The following AGBL1 variants were observed in gnomAD, a reference collection of about 807,000 sequenced individuals.
AGBL1 encodes AGBL carboxypeptidase 1, also known as cytosolic carboxypeptidase 4.
AGBL1 carries 130 observed loss-of-function variants against 118.9 expected under a neutral mutation model. The observed-to-expected ratio is 1.09, with a 90% CI of 0.95 to 1.26. AGBL1 has a LOEUF of 1.26. AGBL1 is among the 50% of genes most tolerant of loss of function. AGBL1 has a pLI of 0.00. For missense variants in AGBL1, 1,584 were observed against 1,298.1 expected (o/e 1.22, Z -3.38); for synonymous variants, 555 against 478.9 (o/e 1.16, Z -2.08).
At chr15:86,962,081 T>C (rs2080998344) in intron 23 of AGBL1, among the ~76,000 whole-genome samples, 2 of 152,166 alleles carry the variant, frequency 1.3e-5, no homozygotes, top group Non-Finnish European at 1.5e-5. Flanking sequence ...TATTTTCTAT[T>C]ACAAATTGCA....
intron 18 of AGBL1, among the ~76,000 whole-genome samples, chr15:86,505,432 G>A (rs1324383639): frequency 6.6e-6 from 1 of 151,778 alleles, no homozygotes; most frequent in African/African-American, 2.4e-5. Context: ...TGGTGTCCCA[G>A]TGGTGTCTGA....
At chr15:86,643,704 T>C (rs887364935) in intron 21 of AGBL1, among the ~76,000 whole-genome samples, 6 of 152,196 alleles carry the variant, frequency 3.9e-5, no homozygotes, top group South Asian at 4.1e-4. Flanking sequence ...CATTTTATTA[T>C]TTTCTCCTTT....
chr15:86,477,698 C>T (rs917916073), intron 18 of AGBL1, among the ~76,000 whole-genome samples: 25 of 152,032 alleles, frequency 1.6e-4, no homozygotes, highest in African/African-American at 2.4e-4. Flanking sequence ...TTCCAATTAA[C>T]AGAAAAAGAG....
In AGBL1 at chr15:86,258,906, C is replaced by T. The variant is rs1231308213; in HGVS notation, c.969+875C>T. ...ATTTTTAGTAGAAACAGGATTTCAC[C>T]GTATTGGCCAGGCTGGTCTCGAACT... On this transcript the variant is annotated intron_variant, in intron 9 of 22. Coordinates refer to ENST00000614907, the MANE Select transcript of AGBL1 (RefSeq NM_001386094.1). Among the ~76,000 whole-genome samples the T allele has an allele frequency of 2.0e-5, 3 of 152,236 alleles. No homozygotes were observed. The East Asian group carries it at 5.8e-4, about 29-fold the overall frequency.
At chr15:86,123,914 AC>A (rs1898245078) in intron 1 of AGBL1, among the ~76,000 whole-genome samples, 1 of 152,176 alleles carries the variant, frequency 6.6e-6, no homozygotes, top group Non-Finnish European at 1.5e-5. Flanking sequence ...ACCGCCACAG[AC>A]CAGAGGAGAC....
intron 22 of AGBL1, among the ~76,000 whole-genome samples, chr15:86,885,849 C>T (rs767557676): frequency 4.5e-4 from 69 of 152,072 alleles, no homozygotes; most frequent in Non-Finnish European, 1.6e-4. Flanking sequence ...ACTTCGAATC[C>T]CTGGGTGTTT....
At chr15:86,664,279 G>C (rs1029037899) in intron 21 of AGBL1, among the ~76,000 whole-genome samples, 1 of 152,174 alleles carries the variant, frequency 6.6e-6, no homozygotes, top group Non-Finnish European at 1.5e-5. Context: ...AAGCATTAGA[G>C]TCCATTTGTT....
intron 17 of AGBL1, among the ~76,000 whole-genome samples, chr15:86,337,868 C>T (rs767466908): frequency 2.0e-5 from 3 of 151,796 alleles, no homozygotes; most frequent in Non-Finnish European, 4.4e-5. Flanking sequence ...TTAAAACAAA[C>T]AAAAAATGCA....
chr15:86,803,931 A>G (rs993194002), intron 22 of AGBL1, among the ~76,000 whole-genome samples: 3 of 152,154 alleles, frequency 2.0e-5, no homozygotes, highest in Admixed American at 2.0e-4. Context: ...TACTTGGCTC[A>G]TTGTATCAGT....
chr15:86,984,238 G>A (rs2081258033), intron 23 of AGBL1, among the ~76,000 whole-genome samples: 1 of 152,216 alleles, frequency 6.6e-6, no homozygotes, highest in East Asian at 1.9e-4. Flanking sequence ...GACATTTCTT[G>A]AGGACTAATG....
chr15:86,548,366 C>T (rs991183046), intron 20 of AGBL1, among the ~76,000 whole-genome samples: 11 of 152,156 alleles, frequency 7.2e-5, no homozygotes, highest in Non-Finnish European at 1.6e-4. Context: ...TATTAATCAA[C>T]TTTAATGGTA....
At chr15:86,743,480 C>T (rs973858981) in intron 22 of AGBL1, among the ~76,000 whole-genome samples, 1 of 152,226 alleles carries the variant, frequency 6.6e-6, no homozygotes, top group East Asian at 1.9e-4. Flanking sequence ...GGCAAGAGAG[C>T]GTCCCCTGGT....
At chr15:86,332,299 A>G (rs1186098229) in intron 17 of AGBL1, among the ~76,000 whole-genome samples, 1 of 152,210 alleles carries the variant, frequency 6.6e-6, no homozygotes, top group Non-Finnish European at 1.5e-5. Context: ...ACACAATAAT[A>G]GTGAGGGAAC....
At chr15:86,763,200 G>A (rs1045311534) in intron 22 of AGBL1, among the ~76,000 whole-genome samples, 1 of 152,004 alleles carries the variant, frequency 6.6e-6, no homozygotes, top group East Asian at 1.9e-4. Flanking sequence ...CTATAGATAT[G>A]TATTGACTGT....
chr15:86,259,782 AC>A lies in AGBL1; in HGVS notation c.969+1752del, dbSNP rs529227978. 3.0e-3 allele frequency among the ~76,000 whole-genome samples: 456 copies of A among 152,316 alleles called. 6 individuals carry two copies. Among genetic ancestry groups the A allele is most frequent in the African/African-American group, 0.01 (426 of 41,560 alleles). On this transcript the variant is annotated intron_variant, in intron 9 of 22. Coordinates refer to ENST00000614907, the MANE Select transcript of AGBL1 (RefSeq NM_001386094.1). ...GCTGCTGCAGTCATTCATCAATGCC[AC>A]TTTCCCCTCCCCTCTTGCTTGCTCT... is the stretch of plus-strand genomic sequence containing the variant.
intron 22 of AGBL1, among the ~76,000 whole-genome samples, chr15:86,736,322 G>T (rs891932064): frequency 3.3e-5 from 5 of 152,120 alleles, no homozygotes; most frequent in Non-Finnish European, 7.4e-5. Flanking sequence ...GGAGGTTGCA[G>T]TGAGCTGAGA....
intron 18 of AGBL1, among the ~76,000 whole-genome samples, chr15:86,434,380 T>C (rs2081975160): frequency 1.3e-5 from 2 of 152,198 alleles, no homozygotes; most frequent in Admixed American, 6.5e-5. Context: ...GATTGTGAAA[T>C]TGATGAGGCG....
chr15:86,998,505 A>G (rs1235406190), intron 24 of AGBL1, among the ~76,000 whole-genome samples: 1 of 152,210 alleles, frequency 6.6e-6, no homozygotes. Flanking sequence ...TGATACCTCA[A>G]TTGTAGCCTC....
chr15:86,560,305 A>G (rs1176374093), intron 21 of AGBL1, among the ~76,000 whole-genome samples: 1 of 119,374 alleles, frequency 8.4e-6, no homozygotes, highest in African/African-American at 3.1e-5. Context: ...CACCCCCGCA[A>G]CAGTCCCCGG....
Sources: gnomAD v4.1 joint callset for allele counts (sites outside exome capture counted in the v4.1 genomes callset) on GRCh38, gnomAD v4.1.1 for gene constraint, MANE v1.5 for transcripts, NCBI Gene and HGNC (gene_info 2026-07-23, HGNC 2026-07-21) for gene names.